The following LGSN variants were observed in gnomAD, a reference collection of about 807,000 sequenced individuals.
LGSN encodes lengsin, lens protein with glutamine synthetase domain, also known as lengsin.
LGSN carries 21 observed loss-of-function variants against 19.5 expected under a neutral mutation model. The ratio of observed to expected loss-of-function variants is 1.07; its 90% CI spans 0.76 to 1.55. The LOEUF (loss-of-function observed/expected upper bound fraction) is 1.55, where lower values mean the gene tolerates loss of function less well. Ranked by LOEUF, LGSN falls within the 40% of genes most tolerant of loss-of-function variation. The pLI is 0.00. For synonymous variants in LGSN, 257 were observed against 215.6 expected (o/e 1.19, Z -1.68); for missense variants, 673 against 608.5 (o/e 1.11, Z -1.12).
At chr6:63,513,932 A>AAC in the LGSN span, among the ~76,000 whole-genome samples, 4,889 of 114,446 alleles carry the variant, frequency 0.043, 623 homozygotes, top group Non-Finnish European at 0.062. Context: ...AAAAAAAAAA[A>AAC]AAAACACTGG....
At chr6:63,418,760 AG>A in the LGSN span, among the ~76,000 whole-genome samples, 1 of 152,122 alleles carries the variant, frequency 6.6e-6, no homozygotes, top group Non-Finnish European at 1.5e-5. Flanking sequence ...TAGACTAAAA[AG>A]CCCCCACAAA....
chr6:63,412,512 AAG>A, the LGSN span, among the ~76,000 whole-genome samples: 1 of 122,554 alleles, frequency 8.2e-6, no homozygotes, highest in Admixed American at 8.6e-5. Context: ...GAAAGAAAGA[AAG>A]AAAGAAAGAA....
chr6:63,336,368 T>TA, the LGSN span, among the ~76,000 whole-genome samples: 1 of 152,030 alleles, frequency 6.6e-6, no homozygotes, highest in Admixed American at 6.6e-5. Context: ...TGTACACATA[T>TA]AGAGTATAAA....
At chr6:63,494,705 T>A in the LGSN span, among the ~76,000 whole-genome samples, 2 of 152,184 alleles carry the variant, frequency 1.3e-5, no homozygotes, top group Non-Finnish European at 2.9e-5. Flanking sequence ...CACACAATCC[T>A]CCCCCATGAA....
the LGSN span, among the ~76,000 whole-genome samples, chr6:63,550,915 C>T: frequency 6.6e-6 from 1 of 151,832 alleles, no homozygotes; most frequent in African/African-American, 2.4e-5. Flanking sequence ...GATGAGCCAC[C>T]GTGCCCAGCC....
chr6:63,308,614 CA>C (rs3839641), intron 1 of LGSN, among the ~76,000 whole-genome samples: 1,666 of 140,386 alleles, frequency 0.012, 10 homozygotes, highest in Non-Finnish European at 0.017. Context: ...AATGTCAATA[CA>C]AAAAAAAAAA....
At chr6:63,322,946 A>T (rs2127400079), upstream of LGSN, among the ~76,000 whole-genome samples, 1 of 152,304 alleles carries the variant, frequency 6.6e-6, no homozygotes, top group South Asian at 2.1e-4. Flanking sequence ...GATAAACCTA[A>T]GTAAGCAATG....
At chr6:63,459,087 C>T in the LGSN span, among the ~76,000 whole-genome samples, 3 of 152,166 alleles carry the variant, frequency 2.0e-5, no homozygotes, top group Non-Finnish European at 4.4e-5. Flanking sequence ...ACCTGAAAGA[C>T]CAAGTCTATT....
At chr6:63,321,429 C>A (rs1260838506), upstream of LGSN, among the ~76,000 whole-genome samples, 1 of 152,132 alleles carries the variant, frequency 6.6e-6, no homozygotes, top group Admixed American at 6.5e-5. Context: ...TTAAAAAAAT[C>A]ATTCCTTTAT....
At chr6:63,562,308 T>C in the LGSN span, among the ~76,000 whole-genome samples, 13 of 152,078 alleles carry the variant, frequency 8.5e-5, no homozygotes, top group African/African-American at 2.9e-4. Flanking sequence ...CAAGTGATTC[T>C]TCTGCCTCAG....
the LGSN span, among the ~76,000 whole-genome samples, chr6:63,447,813 G>C: frequency 1.9e-3 from 284 of 152,172 alleles, 1 homozygote; most frequent in African/African-American, 5.3e-3. Context: ...CTCCCTATTT[G>C]AGTTAGTTTG....
chr6:63,448,899 G>A, the LGSN span, among the ~76,000 whole-genome samples: 9 of 151,790 alleles, frequency 5.9e-5, no homozygotes, highest in African/African-American at 2.2e-4. Context: ...AAATAGAAGA[G>A]AAAAAATAAC....
At chr6:63,332,503 C>T in the LGSN span, among the ~76,000 whole-genome samples, 3 of 152,092 alleles carry the variant, frequency 2.0e-5, no homozygotes, top group South Asian at 2.1e-4. Flanking sequence ...TGTCAACCCT[C>T]GGCTCAGCCC....
chr6:63,535,825 A>T, the LGSN span, among the ~76,000 whole-genome samples: 7 of 152,266 alleles, frequency 4.6e-5, no homozygotes, highest in Admixed American at 4.6e-4. Flanking sequence ...TGTTAAGTCC[A>T]GCACTTTTTT....
the LGSN span, among the ~76,000 whole-genome samples, chr6:63,426,808 C>T: frequency 1.3e-5 from 2 of 152,182 alleles, no homozygotes; most frequent in Non-Finnish European, 2.9e-5. Flanking sequence ...AGCCACCACA[C>T]TTGGCCCAGG....
the LGSN span, among the ~76,000 whole-genome samples, chr6:63,413,657 A>ATGTG: frequency 1.3e-5 from 2 of 152,210 alleles, no homozygotes; most frequent in Non-Finnish European, 2.9e-5. Flanking sequence ...TTTTCCACCC[A>ATGTG]CTATATGTAT....
intron 1 of LGSN, among the ~76,000 whole-genome samples, chr6:63,296,990 G>C (rs1376851604): frequency 1.3e-5 from 2 of 151,194 alleles, no homozygotes; most frequent in African/African-American, 4.9e-5. Flanking sequence ...AAAAGAGAAA[G>C]TTTCTTAAGA....
At chr6:63,384,384 T>C in the LGSN span, among the ~76,000 whole-genome samples, 1 of 152,260 alleles carries the variant, frequency 6.6e-6, no homozygotes, top group African/African-American at 2.4e-5. Flanking sequence ...GAGAAACTTA[T>C]GGAAAGGTTT....
At chr6:63,526,431 T>C in the LGSN span, among the ~76,000 whole-genome samples, 2 of 152,040 alleles carry the variant, frequency 1.3e-5, no homozygotes, top group Non-Finnish European at 2.9e-5. Flanking sequence ...TTACATAATC[T>C]TTCCCAGAAT....
Sources: gnomAD v4.1 joint callset for allele counts (sites outside exome capture counted in the v4.1 genomes callset) on GRCh38, gnomAD v4.1.1 for gene constraint, MANE v1.5 for transcripts, NCBI Gene and HGNC (gene_info 2026-07-23, HGNC 2026-07-21) for gene names.